The following IKZF2 variants were observed in gnomAD, a reference collection of about 807,000 sequenced individuals.
IKZF2 encodes zinc finger protein Helios.
IKZF2 carries 15 observed loss-of-function variants against 49.2 expected under a neutral mutation model. The ratio of observed to expected loss-of-function variants is 0.30; its 90% CI spans 0.20 to 0.47. IKZF2 has a LOEUF of 0.47. Among genes scored for constraint, IKZF2 ranks in the 20% least tolerant of loss-of-function variants. The pLI, the probability that IKZF2 is intolerant of heterozygous loss-of-function variation, is 1.00. For missense variants in IKZF2, 567 were observed against 664.6 expected (o/e 0.85, Z 1.61); for synonymous variants, 227 against 221.4 (o/e 1.03, Z -0.23).
At chr2:213,052,721 A>G (rs962489840) in intron 5 of IKZF2, among the ~76,000 whole-genome samples, 14 of 152,108 alleles carry the variant, frequency 9.2e-5, no homozygotes, top group African/African-American at 3.4e-4. Context: ...TATAGAAGTA[A>G]TATCCATATC....
chr2:213,058,761 A>C (rs1433625256), intron 4 of IKZF2, among the ~76,000 whole-genome samples: 1 of 151,940 alleles, frequency 6.6e-6, no homozygotes, highest in Admixed American at 6.6e-5. Flanking sequence ...TTACTAACTT[A>C]AGAGTTTTAT....
At chr2:213,062,300 T>C (rs1277078571) in intron 4 of IKZF2, among the ~76,000 whole-genome samples, 2 of 151,608 alleles carry the variant, frequency 1.3e-5, no homozygotes, top group Admixed American at 6.6e-5. Flanking sequence ...GACCTGATTC[T>C]ACTAATCTAC....
At chr2:213,129,158 T>TAC (rs2060383033) in intron 4 of IKZF2, among the ~76,000 whole-genome samples, 2 of 151,896 alleles carry the variant, frequency 1.3e-5, no homozygotes, top group Non-Finnish European at 2.9e-5. Flanking sequence ...TATTGTCTAT[T>TAC]ACATTCCTGG....
chr2:213,097,359 A>G (rs1319929017), intron 4 of IKZF2, among the ~76,000 whole-genome samples: 1 of 152,054 alleles, frequency 6.6e-6, no homozygotes, highest in Non-Finnish European at 1.5e-5. Flanking sequence ...TAAAAATAAA[A>G]CTCAACACCA....
intron 6 of IKZF2, among the ~76,000 whole-genome samples, chr2:213,032,936 G>T (rs1003435727): frequency 1.3e-5 from 2 of 152,192 alleles, no homozygotes; most frequent in African/African-American, 4.8e-5. Flanking sequence ...CTTCTCTGTA[G>T]CATGTGATGC....
intron 4 of IKZF2, among the ~76,000 whole-genome samples, 194 bp from the exon 5 acceptor site, chr2:213,057,293 T>C (rs1196470098): frequency 6.6e-6 from 1 of 152,156 alleles, no homozygotes. Context: ...GAAGTGAAGA[T>C]AGCTCAGGAA....
intron 4 of IKZF2, among the ~76,000 whole-genome samples, chr2:213,077,180 A>G (rs1319214914): frequency 6.6e-6 from 1 of 152,234 alleles, no homozygotes; most frequent in Non-Finnish European, 1.5e-5. Context: ...ACAGAATTCT[A>G]ACACCAAATG....
intron 4 of IKZF2, among the ~76,000 whole-genome samples, chr2:213,121,030 C>T (rs967612483): frequency 6.6e-6 from 1 of 152,090 alleles, no homozygotes; most frequent in African/African-American, 2.4e-5. Flanking sequence ...AAATATTAAA[C>T]TGCTATTTAA....
intron 4 of IKZF2, among the ~76,000 whole-genome samples, chr2:213,129,105 G>C (rs957668279): frequency 6.6e-6 from 1 of 151,892 alleles, no homozygotes; most frequent in African/African-American, 2.4e-5. Flanking sequence ...TCTATTTATG[G>C]AAGGGAAAGA....
intron 6 of IKZF2, among the ~76,000 whole-genome samples, chr2:213,031,813 C>T (rs964079774): frequency 1.3e-5 from 2 of 152,120 alleles, no homozygotes; most frequent in Non-Finnish European, 2.9e-5. Context: ...TTTTACACTT[C>T]TGTTAAAAAT....
rs546311527 is a variant in IKZF2, at chr2:213,147,793, G to A, written c.54C>T (p.Pro18=). Residue 18 remains proline, a synonymous_variant, in exon 4 of 9, where the codon CCC becomes CCT. Transcript: ENST00000434687. ...TTGCCATATTGGAGTGCTCCCTTTCGGGTGAAAGCTCATTGTCACCTGCTT... is the reference window on the plus strand; with the variant it reads ...TTGCCATATTGGAGTGCTCCCTTTCAGGTGAAAGCTCATTGTCACCTGCTT... ...GYITCDNELS[P]EREHSNMAID... 3.1e-4 allele frequency: 499 copies of A among 1,613,054 alleles called. 3 individuals are homozygous for A. The highest frequency in any genetic ancestry group is 3.1e-3 in the South Asian group (278 of 91,016).
At chr2:213,060,026 T>C (rs1173771620) in intron 4 of IKZF2, among the ~76,000 whole-genome samples, 1 of 151,380 alleles carries the variant, frequency 6.6e-6, no homozygotes, top group Non-Finnish European at 1.5e-5. Flanking sequence ...CACATTTTAA[T>C]ATACGCATGT....
intron 6 of IKZF2, among the ~76,000 whole-genome samples, chr2:213,041,766 T>C (rs1699683365): frequency 6.6e-6 from 1 of 152,194 alleles, no homozygotes; most frequent in South Asian, 2.1e-4. Flanking sequence ...GGCTATCAGA[T>C]GTAGGATATC....
At chr2:213,055,758 T>C (rs1701088270) in intron 5 of IKZF2, among the ~76,000 whole-genome samples, 1 of 152,130 alleles carries the variant, frequency 6.6e-6, no homozygotes. Context: ...TTTCTTCATG[T>C]GTATTATGAA....
At chr2:213,045,787 A>AT (rs1159842704) in intron 6 of IKZF2, among the ~76,000 whole-genome samples, 1 of 152,092 alleles carries the variant, frequency 6.6e-6, no homozygotes, top group African/African-American at 2.4e-5. Flanking sequence ...GAAGCACAAA[A>AT]TGTGGTGGCC....
chr2:213,102,967 T>C (rs1049669277), intron 4 of IKZF2, among the ~76,000 whole-genome samples: 1 of 152,084 alleles, frequency 6.6e-6, no homozygotes, highest in Non-Finnish European at 1.5e-5. Flanking sequence ...AGAGGTAAGA[T>C]GGCATGGACC....
chr2:213,150,975 G>A, intron 1 of IKZF2, among the ~76,000 whole-genome samples: 1 of 149,980 alleles, frequency 6.7e-6, no homozygotes, highest in East Asian at 1.9e-4. Flanking sequence ...ATTTATTCCA[G>A]CCTACCCAAT....
chr2:213,009,418 G>A (rs1051662959), intron 8 of IKZF2, among the ~76,000 whole-genome samples: 1 of 152,040 alleles, frequency 6.6e-6, no homozygotes, highest in Admixed American at 6.6e-5. Context: ...ACAGATAAAT[G>A]CTTCTTAAAA....
intron 6 of IKZF2, among the ~76,000 whole-genome samples, chr2:213,047,769 G>T (rs1057304454): frequency 4.6e-5 from 7 of 151,706 alleles, no homozygotes; most frequent in Non-Finnish European, 8.8e-5. Flanking sequence ...GATTTACTGG[G>T]GCATCTCTTT....
Sources: allele counts gnomAD v4.1 joint callset (sites outside exome capture counted in the v4.1 genomes callset), GRCh38; gene constraint gnomAD v4.1.1; transcripts MANE v1.5; gene names NCBI Gene and HGNC (gene_info 2026-07-23, HGNC 2026-07-21).